CIP2A: variants seen among roughly 807,000 people sequenced by gnomAD.
CIP2A encodes protein CIP2A.
CIP2A carries 103 observed loss-of-function variants against 110.9 expected under a neutral mutation model. That is an observed-to-expected ratio of 0.93 (90% CI 0.79 to 1.09). CIP2A has a LOEUF of 1.09. Among genes scored for constraint, CIP2A ranks in the 50% least tolerant of loss-of-function variants. The probability of loss-of-function intolerance (pLI) is 0.00; values close to 1 mark genes in which losing one functional copy is unlikely to be tolerated. For missense variants in CIP2A, 1,088 were observed against 1,038.4 expected (o/e 1.05, Z -0.66); for synonymous variants, 381 against 361.6 (o/e 1.05, Z -0.61).
chr3:108,576,328 T>A lies in CIP2A; in HGVS notation c.837A>T (p.Ser279=), dbSNP rs770933542. ...DYLTRYEHFS[S]CLHQVLGLLN... ...GAAGACCTAATACTTGGTGAAGACATGAAGAAAAGTGCTCATATCTAGGTT... is the reference window on the plus strand; with the variant it reads ...GAAGACCTAATACTTGGTGAAGACAAGAAGAAAAGTGCTCATATCTAGGTT... The change falls in exon 8 of 21, where the codon TCA becomes TCT. Residue 279 remains serine (S), a synonymous_variant. Coordinates refer to ENST00000295746, the MANE Select transcript of CIP2A (RefSeq NM_020890.3). 6.4e-7 allele frequency: 1 copy of A among 1,552,022 alleles called. No homozygotes were observed. Among genetic ancestry groups the A allele is most frequent in the Non-Finnish European group, 8.8e-7 (1 of 1,142,540 alleles).
chr3:108,554,389 C>G lies in CIP2A; in HGVS notation c.2311G>C (p.Glu771Gln), dbSNP rs1265201575. The change falls in exon 18 of 21, where the codon GAA (glutamate) becomes CAA (glutamine). Residue 771 changes from glutamate (E) to glutamine (Q), a missense_variant. Physicochemically the swap from Glu to Gln is conservative, Grantham distance 29. Coordinates refer to ENST00000295746, the MANE Select transcript of CIP2A (RefSeq NM_020890.3). ...TVKKLNESLK[E>Q]QNEKSIAQLI... ...TAGAGATTTTACTTTTCATTTTGTT[C>G]CTTGAGTGACTCATTCAACTTTTTC... 1 of 1,470,488 alleles carries G rather than the reference C, an allele frequency of 6.8e-7. No individual in the cohort carries two copies. 91.1% of individuals were successfully genotyped at this position (1,470,488 alleles called of 1,614,324 possible).
Position 108,585,150 on chromosome 3 carries a change from G to T in CIP2A, c.165C>A (p.Cys55Ter). Residue 55 changes from cysteine to a stop codon, truncating the protein, a stop_gained, in exon 2 of 21, where the codon TGC becomes TGA. Coordinates refer to ENST00000295746, the MANE Select transcript of CIP2A (RefSeq NM_020890.3). LOFTEE classifies it high-confidence loss of function. ...FTSNQILTSE[C>*]LSCLVELLED... is the part of the protein sequence containing the mutation. ...CAAGTAGCTCTACAAGGCAACTCAA[G>T]CATTCACTTGTTAATATCTGATTTG... 6.2e-7 allele frequency: 1 copy of T among 1,613,288 alleles called. No homozygotes were observed. The highest frequency in any genetic ancestry group is 8.5e-7 in the Non-Finnish European group (1 of 1,179,370).
At chr3:108,561,643 T>A (rs1435599017) in intron 13 of CIP2A, among the ~76,000 whole-genome samples, 1 of 152,124 alleles carries the variant, frequency 6.6e-6, no homozygotes, top group African/African-American at 2.4e-5. Context: ...CACCCCAGTC[T>A]GGGTGATAGA....
chr3:108,572,489 T>C (rs1938434032), intron 8 of CIP2A, among the ~76,000 whole-genome samples: 1 of 152,024 alleles, frequency 6.6e-6, no homozygotes, highest in South Asian at 2.1e-4. Context: ...CTGAAGACCA[T>C]ATGCTGTGGG....
intron 12 of CIP2A, among the ~76,000 whole-genome samples, chr3:108,565,143 T>C (rs1454194): frequency 0.36 from 54,357 of 151,734 alleles, 10,269 homozygotes; most frequent in East Asian, 0.53. Flanking sequence ...TACATTAGTG[T>C]CATGAGCACT....
chr3:108,579,502 G>C (rs756367524), intron 6 of CIP2A, 64 bp downstream of exon 6: 1 of 1,558,176 alleles, frequency 6.4e-7, no homozygotes, highest in East Asian at 2.3e-5. Flanking sequence ...AAATAAAAAA[G>C]TCTCAATGAC....
At chr3:108,587,723 C>T (rs1939105603) in intron 1 of CIP2A, among the ~76,000 whole-genome samples, 2 of 152,096 alleles carry the variant, frequency 1.3e-5, no homozygotes, top group Non-Finnish European at 2.9e-5. Context: ...TTATGTAAAC[C>T]CCTTGAAAGT....
intron 13 of CIP2A, among the ~76,000 whole-genome samples, chr3:108,561,489 G>C (rs1938004057): frequency 2.0e-5 from 3 of 151,970 alleles, no homozygotes; most frequent in Admixed American, 1.3e-4. Context: ...TGGGCAACCT[G>C]GTGAGACCCC....
At chr3:108,580,571 C>T (rs1938835066) in intron 5 of CIP2A, among the ~76,000 whole-genome samples, 1 of 151,502 alleles carries the variant, frequency 6.6e-6, no homozygotes, top group African/African-American at 2.4e-5. Context: ...CTGAATAGCA[C>T]AGCAGGGAAA....
chr3:108,579,695 A>G lies in CIP2A; in HGVS notation c.550-7T>C. The G allele has an allele frequency of 6.6e-7, 1 of 1,504,660 alleles. No individual in the cohort carries two copies. Among genetic ancestry groups the G allele is most frequent in the Non-Finnish European group, 8.9e-7 (1 of 1,122,950 alleles). 93.2% of individuals were successfully genotyped at this position (1,504,660 alleles called of 1,614,324 possible). On this transcript the variant is annotated splice_polypyrimidine_tract_variant and splice_region_variant and intron_variant, in intron 5 of 20. Coordinates refer to ENST00000295746, the MANE Select transcript of CIP2A (RefSeq NM_020890.3). ...AAAAAGATTTCACATTACTCTGAGG[A>G]AAAAAAAGTTAAAAAATAAATTAGA...
chr3:108,557,682 C>T (rs918081646), intron 16 of CIP2A, among the ~76,000 whole-genome samples: 7 of 151,962 alleles, frequency 4.6e-5, no homozygotes, highest in South Asian at 2.1e-4. Context: ...ATGAAGGTCG[C>T]GCTACATACA....
At chr3:108,554,561 G>C in intron 17 of CIP2A, 72 bp from the exon 18 acceptor site, 1 of 668,862 alleles carries the variant, frequency 1.5e-6, no homozygotes, top group Non-Finnish European at 2.6e-6. Flanking sequence ...AGCTCACAGT[G>C]TTTTCTTTAC....
chr3:108,574,616 A>T (rs542340359), intron 8 of CIP2A: 1 of 153,010 alleles, frequency 6.5e-6, no homozygotes, highest in African/African-American at 2.4e-5. Flanking sequence ...CCCAGTGTGC[A>T]ATGGCTGCAA....
At chr3:108,572,902 C>T (rs535650469) in intron 8 of CIP2A, among the ~76,000 whole-genome samples, 1 of 152,014 alleles carries the variant, frequency 6.6e-6, no homozygotes, top group Non-Finnish European at 1.5e-5. Flanking sequence ...TTGAGGAAAG[C>T]TTTCAATAAT....
At position 108,587,075 on chromosome 3, in the gene CIP2A, A is replaced by C. The variant is rs139695623; in HGVS notation, c.103-1863T>G. On this transcript the variant is annotated intron_variant, in intron 1 of 20. Coordinates refer to ENST00000295746, the MANE Select transcript of CIP2A (RefSeq NM_020890.3). ...GTGTGGATAAGTGATGGTAAATTTCACATATTGCTAGTGGGAAGATAAAAT... is the reference window on the plus strand; with the variant it reads ...GTGTGGATAAGTGATGGTAAATTTCCCATATTGCTAGTGGGAAGATAAAAT... 9.2e-5 allele frequency among the ~76,000 whole-genome samples: 14 copies of C among 152,304 alleles called. No individual in the cohort carries two copies. In the East Asian group the frequency reaches 2.7e-3, roughly 29 times the overall value.
chr3:108,564,308 G>A (rs28499572), intron 12 of CIP2A, among the ~76,000 whole-genome samples: 2,908 of 152,014 alleles, frequency 0.019, 104 homozygotes, highest in African/African-American at 0.067. Context: ...CTCAAAACAT[G>A]CCAGTGGTCC....
chr3:108,571,049 G>A (rs568032795), intron 8 of CIP2A, among the ~76,000 whole-genome samples: 1 of 151,996 alleles, frequency 6.6e-6, no homozygotes, highest in South Asian at 2.1e-4. Context: ...GTCTACACAG[G>A]GCCAGGGTAA....
intron 1 of CIP2A, among the ~76,000 whole-genome samples, chr3:108,588,307 A>T (rs1359455144): frequency 1.3e-5 from 2 of 152,120 alleles, no homozygotes; most frequent in African/African-American, 4.8e-5. Context: ...AGAGAAAACA[A>T]ATGTACTTAG....
rs1239365334 is a variant in CIP2A at position 108,576,332 on chromosome 3, GAA to G, written c.831_832del (p.Ser278PhefsTer11). The G allele has an allele frequency of 5.2e-6, 8 of 1,548,950 alleles. No homozygotes were observed. Among genetic ancestry groups the G allele is most frequent in the Non-Finnish European group, 6.1e-6 (7 of 1,140,134 alleles). Reference sequence around the variant, plus strand: ...ACCTAATACTTGGTGAAGACATGAAGAAAAGTGCTCATATCTAGGTTTAGAAT... The same window carrying G: ...ACCTAATACTTGGTGAAGACATGAAGAAGTGCTCATATCTAGGTTTAGAAT... On this transcript the variant is annotated frameshift_variant, in exon 8 of 21. Transcript: ENST00000295746. LOFTEE classifies it high-confidence loss of function.
Sources: allele counts gnomAD v4.1 joint callset (sites outside exome capture counted in the v4.1 genomes callset), GRCh38; gene constraint gnomAD v4.1.1; transcripts MANE v1.5; gene names NCBI Gene and HGNC (gene_info 2026-07-23, HGNC 2026-07-21).